The following BMP2K variants were observed in gnomAD, a reference collection of about 807,000 sequenced individuals.
BMP2K encodes BMP2 inducible kinase, also known as BMP-2-inducible protein kinase.
A neutral mutation model predicts 116.0 loss-of-function variants in BMP2K; 74 were observed. That is an observed-to-expected ratio of 0.64 (90% CI 0.53 to 0.77). The LOEUF is 0.77. Among genes scored for constraint, BMP2K ranks in the 30% least tolerant of loss-of-function variants. The pLI is 0.00. For missense variants in BMP2K, 1,365 were observed against 1,403.6 expected (o/e 0.97, Z 0.44); for synonymous variants, 486 against 502.5 (o/e 0.97, Z 0.44).
rs1398500437 is a variant in BMP2K at position 78,912,084 on chromosome 4, C to T, written c.*51C>T. Reference sequence around the variant, plus strand: ...AACTCCTGTTTCAAAAAAGTGTGAACAGTTTTATGAATTTGAAAGAAAATT... The same window carrying T: ...AACTCCTGTTTCAAAAAAGTGTGAATAGTTTTATGAATTTGAAAGAAAATT... On this transcript the variant is annotated 3_prime_UTR_variant, in exon 16 of 16. Transcript: ENST00000502613. The T allele has an allele frequency of 6.7e-7, 1 of 1,494,334 alleles. No homozygotes were observed. The highest frequency in any genetic ancestry group is 2.1e-5 in the Admixed American group (1 of 47,832). 92.6% of individuals were successfully genotyped at this position (1,494,334 alleles called of 1,614,324 possible).
chr4:78,875,463 T>A (rs1489475954), intron 13 of BMP2K, among the ~76,000 whole-genome samples: 1 of 152,234 alleles, frequency 6.6e-6, no homozygotes, highest in Non-Finnish European at 1.5e-5. Flanking sequence ...TATTACTGTG[T>A]TATATTCCAA....
At position 78,847,232 on chromosome 4, in the gene BMP2K, A is replaced by T. The variant is rs772684117; in HGVS notation, c.713A>T (p.Tyr238Phe). The change falls in exon 6 of 16, where the codon TAT (tyrosine) becomes TTT (phenylalanine). Residue 238 changes from tyrosine to phenylalanine, a missense_variant. Tyr to Phe is a conservative substitution (Grantham distance 22). This residue lies in a region of BMP2K where 762 missense variants were observed against 756.7 expected (regional missense o/e 1.01). Coordinates refer to ENST00000502613, the MANE Select transcript of BMP2K (RefSeq NM_198892.2). ...SYRAPEMINL[Y>F]GGKPITTKAD... ...AGAGCCCCTGAAATGATCAACCTTTATGGAGGGAAACCCATCACCACCAAG... is the reference window on the plus strand; with the variant it reads ...AGAGCCCCTGAAATGATCAACCTTTTTGGAGGGAAACCCATCACCACCAAG... 1.3e-5 allele frequency: 21 copies of T among 1,590,406 alleles called. No individual in the cohort carries two copies. The highest frequency in any genetic ancestry group is 1.4e-5 in the Non-Finnish European group (16 of 1,167,136).
intron 15 of BMP2K, among the ~76,000 whole-genome samples, chr4:78,897,405 A>T (rs942497635): frequency 6.6e-6 from 1 of 152,126 alleles, no homozygotes; most frequent in Non-Finnish European, 1.5e-5. Flanking sequence ...GGAAGTGAAG[A>T]TTATGTAGCA....
intron 12 of BMP2K, 105 bp from the exon 13 acceptor site, chr4:78,872,509 G>C (rs1382820786): frequency 4.9e-6 from 5 of 1,013,762 alleles, no homozygotes; most frequent in Non-Finnish European, 6.8e-6. Context: ...TTACGTTTCT[G>C]ATTTTGTCAC....
chr4:78,890,257 G>T (rs1471872853), intron 15 of BMP2K, among the ~76,000 whole-genome samples: 1 of 151,690 alleles, frequency 6.6e-6, no homozygotes, highest in African/African-American at 2.4e-5. Context: ...TTCACTTCTG[G>T]CATTTTAATA....
chr4:78,859,649 A>G lies in BMP2K; in HGVS notation c.949A>G (p.Lys317Glu), dbSNP rs765905786. The G allele has an allele frequency of 1.9e-5, 30 of 1,610,472 alleles. No individual in the cohort carries two copies. In the Admixed American group the frequency reaches 4.7e-4, roughly 25 times the overall value. The part of the protein sequence containing the change: ...DIFQVSYFAF[K>E]FAKKDCPVSN... ...ATTTCAAGTGTCATATTTTGCATTT[A>G]AATTTGCCAAAAAGGATTGTCCAGT... Residue 317 changes from lysine to glutamate, a missense_variant, in exon 8 of 16, where the codon AAA (lysine) becomes GAA (glutamate). Lys to Glu is a moderately conservative substitution (Grantham distance 56). This residue lies in a region of BMP2K where 762 missense variants were observed against 756.7 expected (regional missense o/e 1.01). Transcript: ENST00000502613.
chr4:78,856,748 T>C (rs932229057), intron 7 of BMP2K, among the ~76,000 whole-genome samples: 1 of 152,128 alleles, frequency 6.6e-6, no homozygotes, highest in African/African-American at 2.4e-5. Context: ...AGGAGCCTGT[T>C]CCTCTGTTCC....
At chr4:78,788,117 A>G (rs771586099) in intron 1 of BMP2K, among the ~76,000 whole-genome samples, 3 of 151,908 alleles carry the variant, frequency 2.0e-5, no homozygotes, top group Non-Finnish European at 4.4e-5. Flanking sequence ...ATCACTGGCA[A>G]TTACCCATTT....
intron 9 of BMP2K, among the ~76,000 whole-genome samples, chr4:78,861,724 C>CT (rs1415314462): frequency 1.3e-5 from 2 of 151,374 alleles, no homozygotes; most frequent in Non-Finnish European, 1.5e-5. Flanking sequence ...GACAGCGGGT[C>CT]TTTTTTTTGG....
chr4:78,815,757 A>G (rs1434700028), intron 1 of BMP2K, among the ~76,000 whole-genome samples: 4 of 152,022 alleles, frequency 2.6e-5, no homozygotes, highest in Non-Finnish European at 5.9e-5. Context: ...ACAAGATAAT[A>G]ATTATTTTCT....
At chr4:78,871,434 G>A (rs1732351505) in intron 11 of BMP2K, among the ~76,000 whole-genome samples, 1 of 152,122 alleles carries the variant, frequency 6.6e-6, no homozygotes, top group South Asian at 2.1e-4. Flanking sequence ...TTAGATTTTT[G>A]TCACCCTCCT....
intron 1 of BMP2K, among the ~76,000 whole-genome samples, chr4:78,820,455 G>A (rs565806348): frequency 6.6e-6 from 1 of 152,098 alleles, no homozygotes; most frequent in South Asian, 2.1e-4. Context: ...GGAAACCGAT[G>A]TACTTCAAGT....
Position 78,870,869 on chromosome 4 carries a change from C to G in BMP2K, c.1318C>G (p.Gln440Glu). The G allele has an allele frequency of 6.2e-7, 1 of 1,613,764 alleles. No individual in the cohort carries two copies. Among genetic ancestry groups the G allele is most frequent in the Non-Finnish European group, 8.5e-7 (1 of 1,179,940 alleles). Residue 440 changes from glutamine to glutamate, a missense_variant, in exon 11 of 16, where the codon CAA (glutamine) becomes GAA (glutamate). By Grantham distance (29) the Gln-to-Glu change is conservative. Around this residue, in one of 3 missense-constraint regions of BMP2K, gnomAD observed 762 missense variants for 756.7 expected, o/e 1.01. Transcript: ENST00000502613. The stretch of plus-strand genomic sequence containing the variant: ...GCCACAGCAGCATAGAGTACTCCAG[C>G]AACTACAGCAGGGAGATTGGAGATT... ...QPPQQHRVLQ[Q>E]LQQGDWRLQQ...
intron 1 of BMP2K, among the ~76,000 whole-genome samples, chr4:78,780,732 T>A (rs1039731811): frequency 6.6e-6 from 1 of 152,188 alleles, no homozygotes; most frequent in African/African-American, 2.4e-5. Context: ...CTTAACATAG[T>A]AGAGGACAAT....
intron 1 of BMP2K, chr4:78,820,694 C>CT (rs1310529482): frequency 6.6e-6 from 1 of 152,584 alleles, no homozygotes; most frequent in Non-Finnish European, 1.5e-5. Flanking sequence ...GCCTCAGCCT[C>CT]CCAAGTAGCT....
intron 15 of BMP2K, among the ~76,000 whole-genome samples, chr4:78,900,061 A>C (rs1271009890): frequency 2.0e-5 from 3 of 152,112 alleles, no homozygotes; most frequent in African/African-American, 7.2e-5. Context: ...CGCCTCTGCT[A>C]TCCCTATCTT....
intron 7 of BMP2K, among the ~76,000 whole-genome samples, chr4:78,856,582 G>T (rs926246082): frequency 2.6e-5 from 4 of 151,860 alleles, no homozygotes; most frequent in Non-Finnish European, 5.9e-5. Context: ...ATGTAGCCAA[G>T]TTCTACCTGT....
intron 8 of BMP2K, chr4:78,860,103 A>T: frequency 1.9e-6 from 1 of 513,368 alleles, no homozygotes; most frequent in Admixed American, 2.0e-5. Flanking sequence ...ACTTTGGTAT[A>T]AAGAGCACAG....
intron 1 of BMP2K, among the ~76,000 whole-genome samples, chr4:78,824,331 A>G (rs1729768506): frequency 6.6e-6 from 1 of 152,228 alleles, no homozygotes; most frequent in Non-Finnish European, 1.5e-5. Context: ...TTTATAAAGG[A>G]AAGAGATTTA....
Sources: gnomAD v4.1 joint callset for allele counts (sites outside exome capture counted in the v4.1 genomes callset) on GRCh38, gnomAD v4.1.1 for gene constraint, gnomAD v4.1.1 regional missense constraint, MANE v1.5 for transcripts, NCBI Gene and HGNC (gene_info 2026-07-23, HGNC 2026-07-21) for gene names.